Variants in PRKAR2A observed in about 807,000 individuals in gnomAD.
PRKAR2A encodes cAMP-dependent protein kinase type II-alpha regulatory subunit.
In PRKAR2A, 29 loss-of-function variants were observed where a neutral mutation model predicts 51.9. That is an observed-to-expected ratio of 0.56 (90% confidence interval 0.42 to 0.76). The LOEUF (loss-of-function observed/expected upper bound fraction) is 0.76, where lower values mean the gene tolerates loss of function less well. PRKAR2A is among the 30% of genes least tolerant of loss of function. The probability of loss-of-function intolerance (pLI) is 0.00; values close to 1 mark genes in which losing one functional copy is unlikely to be tolerated. For synonymous variants in PRKAR2A, 178 were observed against 186.2 expected (o/e 0.96, Z 0.36); for missense variants, 445 against 512.1 (o/e 0.87, Z 1.26).
rs1392400168 is a variant in PRKAR2A, at chr3:48,781,467, A to G, written c.542+1519T>C. 2.7e-5 allele frequency among the ~76,000 whole-genome samples: 4 copies of G among 150,736 alleles called. No homozygotes were observed. The East Asian group carries it at 7.8e-4, about 29-fold the overall frequency. On this transcript the variant is annotated intron_variant, in intron 5 of 10. Transcript: ENST00000265563. Reference sequence around the variant, plus strand: ...AGCAACTCTCCTGCCTCAGCCTCCCAAGTAGCTGCTATTACAGGTGCACAC... The same window carrying G: ...AGCAACTCTCCTGCCTCAGCCTCCCGAGTAGCTGCTATTACAGGTGCACAC...
At chr3:48,840,393 G>T (rs1450145315) in intron 1 of PRKAR2A, among the ~76,000 whole-genome samples, 1 of 151,660 alleles carries the variant, frequency 6.6e-6, no homozygotes, top group African/African-American at 2.4e-5. Flanking sequence ...TACTCGGGAG[G>T]CTGAGGCAAG....
intron 7 of PRKAR2A, 43 bp downstream of exon 7, chr3:48,765,205 T>C: frequency 6.4e-7 from 1 of 1,566,704 alleles, no homozygotes; most frequent in South Asian, 1.1e-5. Flanking sequence ...TTTAAAAGCT[T>C]TTCCTGATCC....
At chr3:48,790,713 A>G in intron 3 of PRKAR2A, 86 bp from the exon 4 acceptor site, 4 of 836,508 alleles carry the variant, frequency 4.8e-6, no homozygotes, top group Non-Finnish European at 6.9e-6. Context: ...TTCTCCAAAA[A>G]GTGGGAAAAA....
rs757835834 is a variant in PRKAR2A, at chr3:48,783,069, A to T, written c.459T>A (p.Asp153Glu). 6 of 1,613,600 alleles carry T rather than the reference A, an allele frequency of 3.7e-6. No homozygotes were observed. In the East Asian group the frequency reaches 1.1e-4, roughly 30 times the overall value. Reference sequence around the variant, plus strand: ...CTTTGACTATCCTTTCAAACATGGCATCGAGAACTTGAGAAAGCTGTTCCT... The same window carrying T: ...CTTTGACTATCCTTTCAAACATGGCTTCGAGAACTTGAGAAAGCTGTTCCT... ...LDQEQLSQVL[D>E]AMFERIVKAD... Residue 153 changes from aspartate to glutamate, a missense_variant, in exon 5 of 11, where the codon GAT becomes GAA. Physicochemically the swap from Asp to Glu is conservative, Grantham distance 45. Coordinates refer to ENST00000265563, the MANE Select transcript of PRKAR2A (RefSeq NM_004157.4).
intron 1 of PRKAR2A, among the ~76,000 whole-genome samples, chr3:48,834,632 A>G (rs920215279): frequency 6.6e-6 from 1 of 151,714 alleles, no homozygotes; most frequent in Non-Finnish European, 1.5e-5. Flanking sequence ...AGGCTGAGGC[A>G]AGAGGGTTAC....
chr3:48,760,934 CTA>C (rs984850012), intron 8 of PRKAR2A, among the ~76,000 whole-genome samples: 4 of 151,758 alleles, frequency 2.6e-5, no homozygotes, highest in African/African-American at 9.7e-5. Context: ...CTGCAGTGAG[CTA>C]TGATTGCACA....
At chr3:48,751,868 G>C (rs2081653534) in intron 10 of PRKAR2A, 150 bp from the exon 11 acceptor site, 2 of 983,904 alleles carry the variant, frequency 2.0e-6, no homozygotes, top group Admixed American at 5.6e-5. Flanking sequence ...TATGAATTCA[G>C]AAGACTGTCA....
downstream of PRKAR2A, among the ~76,000 whole-genome samples, chr3:48,745,782 G>A (rs761125833): frequency 7.4e-4 from 112 of 151,924 alleles, no homozygotes; most frequent in Non-Finnish European, 1.0e-3. Context: ...CAGGTGATCC[G>A]CCCACCTCCA....
At chr3:48,825,282 A>C (rs1459446536) in intron 1 of PRKAR2A, among the ~76,000 whole-genome samples, 3 of 152,046 alleles carry the variant, frequency 2.0e-5, no homozygotes, top group South Asian at 2.1e-4. Context: ...CCTTGGGATT[A>C]GAGGCATGAG....
intron 4 of PRKAR2A, among the ~76,000 whole-genome samples, chr3:48,785,802 C>T (rs148173904): frequency 6.6e-4 from 101 of 152,270 alleles, no homozygotes; most frequent in African/African-American, 2.3e-3. Context: ...ATATATACTC[C>T]TCTTTTCTTT....
rs2081648450 is a variant in PRKAR2A at position 48,751,592 on chromosome 3, C to T, written c.1208G>A (p.Gly403Glu). 1 of 1,611,676 alleles carries T rather than the reference C, an allele frequency of 6.2e-7. No individual in the cohort carries two copies. Among genetic ancestry groups the T allele is most frequent in the Non-Finnish European group, 8.5e-7 (1 of 1,178,700 alleles). Residue 403 changes from glycine to glutamate, a missense_variant, in exon 11 of 11, where the codon GGG becomes GAG. Gly to Glu is a moderately conservative substitution (Grantham distance 98). Coordinates refer to ENST00000265563, the MANE Select transcript of PRKAR2A (RefSeq NM_004157.4). ...CTCTGGGGTGTGGCACACCTACTGCCCGAGGTTGCCCAGATCCACGCTGGA... is the reference window on the plus strand; with the variant it reads ...CTCTGGGGTGTGGCACACCTACTGCTCGAGGTTGCCCAGATCCACGCTGGA... ...FGSSVDLGNL[G>E]Q
rs1487047322 is a variant in PRKAR2A at position 48,751,648 on chromosome 3, G to A, written c.1152C>T (p.His384=). The A allele has an allele frequency of 1.2e-6, 2 of 1,614,112 alleles. No homozygotes were observed. The highest frequency in any genetic ancestry group is 1.1e-5 in the South Asian group (1 of 91,084). ...ACATCTTCACCAGCTGTTCCTCATA[G>A]TGTGAGATGTTCCTCTTCATGATGT... The part of the protein sequence containing the change: ...CMDIMKRNIS[H]YEEQLVKMFG... Residue 384 remains histidine, a synonymous_variant, in exon 11 of 11, where the codon CAC becomes CAT. Transcript: ENST00000265563.
chr3:48,816,313 T>G (rs1216748026), intron 1 of PRKAR2A, among the ~76,000 whole-genome samples: 1 of 152,196 alleles, frequency 6.6e-6, no homozygotes, highest in Non-Finnish European at 1.5e-5. Flanking sequence ...CATGAACTCT[T>G]AGAAGACTGG....
chr3:48,809,192 A>G (rs1045402080), intron 1 of PRKAR2A, among the ~76,000 whole-genome samples: 3 of 152,208 alleles, frequency 2.0e-5, no homozygotes, highest in Non-Finnish European at 4.4e-5. Context: ...TAGATTGTAT[A>G]AAGATCACTT....
intron 8 of PRKAR2A, among the ~76,000 whole-genome samples, chr3:48,759,283 T>C (rs193260062): frequency 1.3e-5 from 2 of 152,256 alleles, no homozygotes; most frequent in Admixed American, 6.5e-5. Context: ...ATTCTGGGTA[T>C]ACTGGCTGTT....
rs369118359 is a variant in PRKAR2A, at chr3:48,788,614, A to G, written c.435+1930T>C. ...ATTTCATGTTAAAGCCTGACTCCCA[A>G]TGTGATGGTATTAGAAGGTAAGGCC... On this transcript the variant is annotated intron_variant, in intron 4 of 10. Transcript: ENST00000265563. Among the ~76,000 whole-genome samples the G allele has an allele frequency of 1.2e-4, 18 of 152,270 alleles. No individual in the cohort carries two copies. The East Asian group carries it at 2.5e-3, about 21-fold the overall frequency.
chr3:48,746,217 T>C (rs1401772250), downstream of PRKAR2A, among the ~76,000 whole-genome samples: 2 of 151,920 alleles, frequency 1.3e-5, no homozygotes, highest in Non-Finnish European at 2.9e-5. Context: ...CAATTCCTTA[T>C]AATAAATCTT....
chr3:48,761,399 G>A (rs2081861559), intron 8 of PRKAR2A, among the ~76,000 whole-genome samples: 1 of 152,200 alleles, frequency 6.6e-6, no homozygotes. Context: ...CGAGTCAAAT[G>A]TGGCTGAGCA....
At chr3:48,777,889 A>C (rs890309465) in intron 5 of PRKAR2A, among the ~76,000 whole-genome samples, 8 of 152,130 alleles carry the variant, frequency 5.3e-5, no homozygotes, top group African/African-American at 1.9e-4. Context: ...ATAAGCTTAT[A>C]AATAGGAAAC....
Sources: gnomAD v4.1 joint callset for allele counts (sites outside exome capture counted in the v4.1 genomes callset) on GRCh38, gnomAD v4.1.1 for gene constraint, MANE v1.5 for transcripts, NCBI Gene and HGNC (gene_info 2026-07-23, HGNC 2026-07-21) for gene names.